Variants in PTPRT observed in about 807,000 individuals in gnomAD.
PTPRT encodes receptor-type tyrosine-protein phosphatase T.
In PTPRT, 56 loss-of-function variants were observed where a neutral mutation model predicts 176.8. The ratio of observed to expected loss-of-function variants is 0.32; its 90% confidence interval spans 0.26 to 0.40. PTPRT has a LOEUF of 0.40. Among genes scored for constraint, PTPRT ranks in the 10% least tolerant of loss-of-function variants. The pLI is 1.00. For synonymous variants in PTPRT, 783 were observed against 739.0 expected (o/e 1.06, Z -0.96); for missense variants, 1,540 against 1,908.2 (o/e 0.81, Z 3.60).
At chr20:43,096,836 A>G (rs2012189368) in intron 1 of PTPRT, among the ~76,000 whole-genome samples, 1 of 152,180 alleles carries the variant, frequency 6.6e-6, no homozygotes, top group South Asian at 2.1e-4. Context: ...GCAGGCTGCC[A>G]GCTGAGGAGG....
At chr20:42,791,769 G>A (rs2077380024) in intron 2 of PTPRT, among the ~76,000 whole-genome samples, 1 of 152,210 alleles carries the variant, frequency 6.6e-6, no homozygotes, top group Admixed American at 6.5e-5. Context: ...TACTATTACT[G>A]TTTGCAGAAA....
intron 7 of PTPRT, among the ~76,000 whole-genome samples, chr20:42,658,557 G>A (rs775366011): frequency 1.3e-5 from 2 of 152,184 alleles, no homozygotes; most frequent in Non-Finnish European, 2.9e-5. Flanking sequence ...TCTGACCCCA[G>A]CTAGTAATAT....
At chr20:42,449,775 A>T (rs1402780913) in intron 8 of PTPRT, among the ~76,000 whole-genome samples, 1 of 152,202 alleles carries the variant, frequency 6.6e-6, no homozygotes, top group Non-Finnish European at 1.5e-5. Context: ...TGTTAAATTA[A>T]AATATGTTTA....
intron 1 of PTPRT, among the ~76,000 whole-genome samples, chr20:42,988,489 T>G (rs998594713): frequency 6.6e-6 from 1 of 152,146 alleles, no homozygotes; most frequent in Non-Finnish European, 1.5e-5. Context: ...TCCCTCTGAC[T>G]TGGGTCTAGT....
At chr20:42,735,649 C>T (rs1352470155) in intron 6 of PTPRT, among the ~76,000 whole-genome samples, 2 of 152,330 alleles carry the variant, frequency 1.3e-5, no homozygotes, top group East Asian at 3.9e-4. Context: ...ACGCACGACA[C>T]TTGAAAAGAG....
rs182214381 is a variant in PTPRT at position 42,629,917 on chromosome 20, C to T, written c.1153+47949G>A. On this transcript the variant is annotated intron_variant, in intron 7 of 30. Coordinates refer to ENST00000373187, the MANE Select transcript of PTPRT (RefSeq NM_007050.6). Reference sequence around the variant, plus strand: ...TTAGCGTTAGAGTCCACAACTGCTACAGAGTCTCAGCTGTGATTTCTACTG... The same window carrying T: ...TTAGCGTTAGAGTCCACAACTGCTATAGAGTCTCAGCTGTGATTTCTACTG... Among the ~76,000 whole-genome samples the T allele has an allele frequency of 1.5e-3, 228 of 152,336 alleles. 1 individual carries two copies. Among genetic ancestry groups the T allele is most frequent in the Middle Eastern group, 3.4e-3 (1 of 294 alleles).
intron 17 of PTPRT, among the ~76,000 whole-genome samples, chr20:42,157,859 C>T (rs1989430176): frequency 6.6e-6 from 1 of 152,206 alleles, no homozygotes; most frequent in Admixed American, 6.5e-5. Flanking sequence ...TCTGAGCCAC[C>T]ATGGAAATCG....
rs10626020 is a variant in PTPRT, at chr20:42,434,662, G to GA, written c.1560+13557dup. On this transcript the variant is annotated intron_variant, in intron 9 of 30. Coordinates refer to ENST00000373187, the MANE Select transcript of PTPRT (RefSeq NM_007050.6). The stretch of plus-strand genomic sequence containing the variant: ...AGAAAAGCCCATCCCATCTTCATAA[G>GA]AAAAAAAAAAAAAAAGAGGCCAGGC... Among the ~76,000 whole-genome samples the GA allele has an allele frequency of 6.0e-3, 828 of 137,690 alleles. 14 individuals carry two copies. Among genetic ancestry groups the GA allele is most frequent in the African/African-American group, 0.019 (700 of 37,088 alleles). 90.3% of individuals were successfully genotyped at this position (137,690 alleles called of 152,430 possible). A position where few individuals can be genotyped will look rare whatever the true frequency, so the allele number is the denominator to read the frequency against.
intron 7 of PTPRT, among the ~76,000 whole-genome samples, chr20:42,629,880 A>G (rs2074371419): frequency 6.6e-6 from 1 of 152,182 alleles, no homozygotes; most frequent in Non-Finnish European, 1.5e-5. Context: ...AATGGGGGGA[A>G]AAATGATACT....
chr20:42,942,317 C>G (rs1309081972), intron 1 of PTPRT, among the ~76,000 whole-genome samples: 5 of 152,206 alleles, frequency 3.3e-5, no homozygotes, highest in Admixed American at 3.3e-4. Flanking sequence ...AACACCCAAC[C>G]CATCCGCAGT....
chr20:42,587,064 A>G (rs2145743182), intron 7 of PTPRT, among the ~76,000 whole-genome samples: 1 of 152,166 alleles, frequency 6.6e-6, no homozygotes, highest in East Asian at 1.9e-4. Context: ...CTGCCTCACC[A>G]TCCTCAACCA....
intron 1 of PTPRT, among the ~76,000 whole-genome samples, chr20:43,013,787 G>A (rs371031781): frequency 2.6e-5 from 4 of 152,134 alleles, no homozygotes; most frequent in Non-Finnish European, 4.4e-5. Context: ...CAATACAAAC[G>A]CAGCAAGACA....
chr20:42,750,080 TCAAA>T (rs1303493582), intron 6 of PTPRT, among the ~76,000 whole-genome samples: 2 of 152,158 alleles, frequency 1.3e-5, no homozygotes, highest in Non-Finnish European at 2.9e-5. Flanking sequence ...GCAACTGACT[TCAAA>T]CAATGGATTG....
chr20:42,858,153 A>G (rs951235875), intron 2 of PTPRT, among the ~76,000 whole-genome samples: 1 of 152,232 alleles, frequency 6.6e-6, no homozygotes, highest in African/African-American at 2.4e-5. Flanking sequence ...ACTTTGGGGC[A>G]GACTGAGATT....
At chr20:43,182,670 C>T (rs923644157) in intron 1 of PTPRT, among the ~76,000 whole-genome samples, 1 of 152,070 alleles carries the variant, frequency 6.6e-6, no homozygotes, top group Non-Finnish European at 1.5e-5. Flanking sequence ...GGATTACAGG[C>T]GTGAGCCACC....
intron 2 of PTPRT, among the ~76,000 whole-genome samples, chr20:42,848,536 AAC>A (rs1268118825): frequency 6.6e-6 from 1 of 152,220 alleles, no homozygotes; most frequent in East Asian, 1.9e-4. Context: ...GTAAAGTGGT[AAC>A]ACACTGTGGT....
chr20:42,761,743 A>G (rs1363173973), intron 5 of PTPRT, among the ~76,000 whole-genome samples: 1 of 152,222 alleles, frequency 6.6e-6, no homozygotes, highest in Non-Finnish European at 1.5e-5. Context: ...AAGGCCTGTG[A>G]TGGGGATTGG....
intron 1 of PTPRT, among the ~76,000 whole-genome samples, chr20:43,057,313 G>A (rs914289286): frequency 3.4e-5 from 3 of 88,876 alleles, no homozygotes; most frequent in South Asian, 6.3e-4. Flanking sequence ...AGGAATGGAG[G>A]AGGAGGGGGG....
At chr20:42,373,214 G>A (rs1169960663) in intron 9 of PTPRT, among the ~76,000 whole-genome samples, 1 of 152,148 alleles carries the variant, frequency 6.6e-6, no homozygotes, top group Non-Finnish European at 1.5e-5. Flanking sequence ...GGCTCAGAGA[G>A]GGTGAGTGAC....
Sources: allele counts gnomAD v4.1 joint callset (sites outside exome capture counted in the v4.1 genomes callset), GRCh38; gene constraint gnomAD v4.1.1; transcripts MANE v1.5; gene names NCBI Gene and HGNC (gene_info 2026-07-23, HGNC 2026-07-21).